XIRP2: variants seen among roughly 807,000 people sequenced by gnomAD.
XIRP2 encodes xin actin-binding repeat-containing protein 2.
XIRP2 carries 236 observed loss-of-function variants against 277.0 expected under a neutral mutation model. The ratio of observed to expected loss-of-function variants is 0.85; its 90% confidence interval spans 0.77 to 0.95. XIRP2 has a LOEUF of 0.95. XIRP2 is among the 40% of genes least tolerant of loss of function. The probability of loss-of-function intolerance (pLI) is 0.00; values close to 1 mark genes in which losing one functional copy is unlikely to be tolerated. For synonymous variants in XIRP2, 1,490 were observed against 1,416.5 expected, an observed-to-expected ratio of 1.05 and a Z score of -1.17; for missense variants, 4,640 against 4,157.5, an observed-to-expected ratio of 1.12 and a Z score of -3.19.
intron 2 of XIRP2, among the ~76,000 whole-genome samples, chr2:166,987,278 T>A (rs1392821395): frequency 1.3e-5 from 2 of 152,182 alleles, no homozygotes; most frequent in African/African-American, 4.8e-5. Flanking sequence ...ACATAAGGGC[T>A]GGGACTAGAT....
At chr2:166,888,815 G>A (rs1684021819) in intron 1 of XIRP2, among the ~76,000 whole-genome samples, 1 of 152,250 alleles carries the variant, frequency 6.6e-6, no homozygotes, top group East Asian at 1.9e-4. Context: ...GCAGCAATGT[G>A]CCCAGAGAAA....
At chr2:167,037,521 GTGT>G (rs1688543605) in intron 2 of XIRP2, among the ~76,000 whole-genome samples, 3 of 109,924 alleles carry the variant, frequency 2.7e-5, no homozygotes, top group Non-Finnish European at 3.7e-5. Context: ...TGTGGGGGGT[GTGT>G]GTGTGTGTGT....
At chr2:167,030,358 T>C (rs1159942813) in intron 2 of XIRP2, among the ~76,000 whole-genome samples, 1 of 152,180 alleles carries the variant, frequency 6.6e-6, no homozygotes, top group Non-Finnish European at 1.5e-5. Context: ...TTTAGTACTA[T>C]AAATTTCTCT....
chr2:167,029,180 C>G (rs1173389714), intron 2 of XIRP2, among the ~76,000 whole-genome samples: 1 of 152,004 alleles, frequency 6.6e-6, no homozygotes, highest in African/African-American at 2.4e-5. Context: ...TCCTCTCTTC[C>G]TATTTGAATA....
At chr2:167,073,123 G>T (rs74675954) in intron 2 of XIRP2, among the ~76,000 whole-genome samples, 4 of 152,124 alleles carry the variant, frequency 2.6e-5, no homozygotes, top group Admixed American at 2.0e-4. Context: ...CATTTCAAAT[G>T]ATCATTAATG....
At chr2:167,208,047 T>A (rs1693910863) in intron 3 of XIRP2, among the ~76,000 whole-genome samples, 1 of 152,224 alleles carries the variant, frequency 6.6e-6, no homozygotes, top group Non-Finnish European at 1.5e-5. Context: ...TAAGCCCAGC[T>A]ATACCATTAA....
rs774637323 is a variant in XIRP2, at chr2:167,241,757, G to A, written c.1043-20G>A. On this transcript the variant is annotated intron_variant, in intron 7 of 10. Transcript: ENST00000409195. ...TTTTAGTAATTACATAGTAACCCTG[G>A]TGTGTTTTTCTGTTTGTAGTCATTG... 26 of 1,588,618 alleles carry A rather than the reference G, an allele frequency of 1.6e-5. No homozygotes were observed. In the South Asian group the frequency reaches 2.9e-4, roughly 18 times the overall value.
At chr2:167,221,226 A>C (rs1694416203) in intron 5 of XIRP2, among the ~76,000 whole-genome samples, 1 of 152,030 alleles carries the variant, frequency 6.6e-6, no homozygotes, top group Admixed American at 6.6e-5. Context: ...TAATCCCAGC[A>C]GTTTGGGAGG....
At chr2:167,145,849 T>A (rs528409421) in intron 3 of XIRP2, among the ~76,000 whole-genome samples, 1 of 152,170 alleles carries the variant, frequency 6.6e-6, no homozygotes, top group Admixed American at 6.5e-5. Flanking sequence ...AAATTGCCAC[T>A]GTGAAGGACC....
chr2:166,961,659 C>T (rs542560094), intron 2 of XIRP2, among the ~76,000 whole-genome samples: 67 of 151,768 alleles, frequency 4.4e-4, no homozygotes, highest in African/African-American at 1.5e-3. Context: ...AAATACAGGG[C>T]TGAAAAAGGA....
chr2:167,151,437 T>C (rs143556327), intron 3 of XIRP2, among the ~76,000 whole-genome samples: 172 of 152,254 alleles, frequency 1.1e-3, no homozygotes, highest in Non-Finnish European at 1.5e-3. Context: ...ACTGAACTTT[T>C]ACCCCCAGAT....
intron 2 of XIRP2, among the ~76,000 whole-genome samples, chr2:167,088,196 G>T (rs1463559103): frequency 2.0e-5 from 3 of 152,112 alleles, no homozygotes; most frequent in Non-Finnish European, 4.4e-5. Flanking sequence ...TCTGGGACTT[G>T]GTCTGCAGCA....
intron 3 of XIRP2, among the ~76,000 whole-genome samples, chr2:167,179,424 G>A (rs1340317961): frequency 6.7e-6 from 1 of 150,006 alleles, no homozygotes; most frequent in East Asian, 2.0e-4. Context: ...GGGTTCAAGC[G>A]ATTCTTCTGC....
chr2:166,904,434 G>T (rs1684465099), intron 2 of XIRP2, among the ~76,000 whole-genome samples: 1 of 152,060 alleles, frequency 6.6e-6, no homozygotes, highest in Non-Finnish European at 1.5e-5. Context: ...AAGATTATAG[G>T]TAACATTTTA....
At chr2:167,125,580 TGTATTTA>T (rs1457811171) in intron 2 of XIRP2, among the ~76,000 whole-genome samples, 4 of 152,138 alleles carry the variant, frequency 2.6e-5, no homozygotes, top group African/African-American at 9.7e-5. Context: ...ATAAAAAGGA[TGTATTTA>T]GAGCAGAGCA....
rs760364042 is a variant in XIRP2, at chr2:167,251,487, A to G, written c.10095A>G (p.Gln3365=). ...AGGGAGAAACAAACCATAACATACAACAAGAAAGTCGTACATTTTGTAAGG... is the reference window on the plus strand; with the variant it reads ...AGGGAGAAACAAACCATAACATACAGCAAGAAAGTCGTACATTTTGTAAGG... ...YAKGETNHNI[Q]QESRTFCKEE... is the part of the protein sequence containing the mutation. The change falls in exon 9 of 11, where the codon CAA becomes CAG. Residue 3365 remains glutamine, a synonymous_variant. Coordinates refer to ENST00000409195, the MANE Select transcript of XIRP2 (RefSeq NM_152381.6). 2.7e-5 allele frequency: 43 copies of G among 1,613,432 alleles called. No individual in the cohort carries two copies. The highest frequency in any genetic ancestry group is 3.5e-5 in the Non-Finnish European group (41 of 1,179,640).
Position 167,251,691 on chromosome 2 carries a change from G to C in XIRP2, c.10299G>C (p.Lys3433Asn). The part of the protein sequence containing the change: ...DAFESQIVES[K>N]MKTSSSHSSE... ...TTGAGAGTCAAATTGTTGAGTCGAA[G>C]ATGAAAACCTCTTCATCACATAGCT... The change falls in exon 9 of 11, where the codon AAG becomes AAC. Residue 3433 changes from lysine (K) to asparagine (N), a missense_variant. Transcript: ENST00000409195. 6.2e-7 allele frequency: 1 copy of C among 1,613,368 alleles called. No homozygotes were observed. Among genetic ancestry groups the C allele is most frequent in the Non-Finnish European group, 8.5e-7 (1 of 1,179,624 alleles).
intron 2 of XIRP2, among the ~76,000 whole-genome samples, chr2:167,027,820 T>A (rs765222681): frequency 2.7e-4 from 41 of 152,088 alleles, no homozygotes; most frequent in Non-Finnish European, 5.7e-4. Flanking sequence ...AAATAATTAC[T>A]ACTAAATAGG....
intron 4 of XIRP2, among the ~76,000 whole-genome samples, chr2:167,211,404 T>C (rs192984268): frequency 6.6e-6 from 1 of 152,298 alleles, no homozygotes; most frequent in East Asian, 1.9e-4. Context: ...CCTGAACTAC[T>C]ATCTTAACTT....
Sources: allele counts gnomAD v4.1 joint callset (sites outside exome capture counted in the v4.1 genomes callset), GRCh38; gene constraint gnomAD v4.1.1; transcripts MANE v1.5; gene names NCBI Gene and HGNC (gene_info 2026-07-23, HGNC 2026-07-21).